The following ARMC5 variants were observed in gnomAD, a reference collection of about 807,000 sequenced individuals.
ARMC5 encodes armadillo repeat-containing protein 5.
Under a neutral mutation model 60.5 loss-of-function variants are expected in ARMC5, and 28 were observed. The ratio of observed to expected loss-of-function variants is 0.46; its 90% CI spans 0.34 to 0.63. The LOEUF (loss-of-function observed/expected upper bound fraction) is 0.63. Ranked by LOEUF, ARMC5 falls within the 30% of genes least tolerant of loss-of-function variation. ARMC5 has a pLI of 0.01. For synonymous variants in ARMC5, 680 were observed against 607.3 expected (o/e 1.12, Z -1.76); for missense variants, 1,189 against 1,304.9 (o/e 0.91, Z 1.37).
intron 1 of ARMC5, 30 bp downstream of exon 1, chr16:31,460,029 G>A: frequency 6.3e-7 from 1 of 1,592,436 alleles, no homozygotes; most frequent in Non-Finnish European, 8.5e-7. Context: ...TTCCTAGAAA[G>A]ATTAGGTTTG....
intron 1 of ARMC5, among the ~76,000 whole-genome samples, chr16:31,460,610 A>G (rs1201491927): frequency 6.6e-6 from 1 of 152,254 alleles, no homozygotes; most frequent in African/African-American, 2.4e-5. Context: ...ACGCGCCTGT[A>G]GTTCCAGCTA....
chr16:31,461,811 C>A (rs140249837), intron 1 of ARMC5, 111 bp from the exon 2 acceptor site: 8 of 946,794 alleles, frequency 8.4e-6, no homozygotes, highest in Non-Finnish European at 1.3e-5. Context: ...CCCTGCCGAC[C>A]ATTAGCCTCT....
intron 1 of ARMC5, chr16:31,460,204 T>G: frequency 1.8e-6 from 1 of 547,924 alleles, no homozygotes; most frequent in African/African-American, 2.0e-5. Flanking sequence ...ACCAGATAAT[T>G]GTAGCCATTA....
upstream of ARMC5, chr16:31,458,822 G>T: frequency 6.5e-7 from 1 of 1,532,720 alleles, no homozygotes; most frequent in Non-Finnish European, 8.7e-7. Flanking sequence ...GCGGCCGACT[G>T]CGCTGCGAGT....
Position 31,460,159 on chromosome 16 carries a change from C to T in ARMC5, c.475+160C>T, listed in dbSNP as rs1003235989. ...CAATCTGTTGTGCCCCGTGACGTCA[C>T]TGCACTCTCTATAGATGAGAGAGAG... On this transcript the variant is annotated intron_variant, in intron 1 of 5. Coordinates refer to ENST00000268314, the MANE Select transcript of ARMC5 (RefSeq NM_001105247.2). The T allele has an allele frequency of 4.1e-6, 3 of 731,532 alleles. No homozygotes were observed. The African/African-American group carries it at 5.5e-5, about 13-fold the overall frequency. The allele number at this position is 731,532 out of a possible 1,614,324, so 45.3% of individuals were successfully genotyped here.
upstream of ARMC5, chr16:31,459,298 C>T (rs1399665387): frequency 1.0e-5 from 16 of 1,534,660 alleles, no homozygotes; most frequent in Non-Finnish European, 1.4e-5. Context: ...ACCACATCTC[C>T]CTCATGCACC....
Position 31,459,992 on chromosome 16 carries a change from C to T in ARMC5, c.468C>T (p.Leu156=), listed in dbSNP as rs1165420387. Reference sequence around the variant, plus strand: ...AAGTGCGCAGACTCGGAGGCATACTCCCTTTGGGTAAGTGCTCCGCCCCCG... The same window carrying T: ...AAGTGCGCAGACTCGGAGGCATACTTCCTTTGGGTAAGTGCTCCGCCCCCG... ...RTEVRRLGGI[L]PLVTILQCMK... Residue 156 remains leucine (L), a synonymous_variant, in exon 1 of 6, where the codon CTC becomes CTT. Coordinates refer to ENST00000268314, the MANE Select transcript of ARMC5 (RefSeq NM_001105247.2). The T allele has an allele frequency of 1.3e-6, 2 of 1,597,054 alleles. No homozygotes were observed. The highest frequency in any genetic ancestry group is 1.7e-5 in the Admixed American group (1 of 59,620).
In ARMC5 at chr16:31,462,836, A is replaced by C. The variant is rs2082316915; in HGVS notation, c.1289A>C (p.Glu430Ala). 1.2e-6 allele frequency: 2 copies of C among 1,613,928 alleles called. No individual in the cohort carries two copies. The highest frequency in any genetic ancestry group is 2.7e-5 in the African/African-American group (2 of 74,998). ...GGTGAGGCTGGTGAGGAGGAAGAAG[A>C]GGGAAGAGAAGCTGCTTCCTGGGAC... ...LCGEAGEEEEEGREAASWDFP... is the reference protein window; with the variant it reads ...LCGEAGEEEEAGREAASWDFP... Residue 430 changes from glutamate (E) to alanine (A), a missense_variant, in exon 3 of 6, where the codon GAG becomes GCG. By Grantham distance (107) the Glu-to-Ala change is moderately radical. This residue lies in a region of ARMC5 where 862 missense variants were observed against 1,071.2 expected (regional missense o/e 0.80). Coordinates refer to ENST00000268314, the MANE Select transcript of ARMC5 (RefSeq NM_001105247.2). The surrounding 1 kb of genome is among the most constrained non-coding windows in gnomAD (Gnocchi z 7.2).
Position 31,462,403 on chromosome 16 carries a change from C to T in ARMC5, c.856C>T (p.Leu286Phe). ...AAGTCTGGGTGGGGGATTGGGCCCA[C>T]TCGTCAGCCTGGCTTCCCACCCCAA... is the stretch of plus-strand genomic sequence containing the variant. ...QLSLGGGLGP[L>F]VSLASHPKRA... The change falls in exon 3 of 6, where the codon CTC becomes TTC. Residue 286 changes from leucine to phenylalanine, a missense_variant. Physicochemically the swap from Leu to Phe is conservative, Grantham distance 22. Around this residue, in one of 2 missense-constraint regions of ARMC5, gnomAD observed 862 missense variants for 1,071.2 expected, o/e 0.80. Transcript: ENST00000268314. The surrounding 1 kb of genome is among the most constrained non-coding windows in gnomAD (Gnocchi z 7.2). 6.2e-7 allele frequency: 1 copy of T among 1,609,990 alleles called. No homozygotes were observed. Among genetic ancestry groups the T allele is most frequent in the Non-Finnish European group, 8.5e-7 (1 of 1,177,526 alleles).
rs1289496244 is a variant in ARMC5, at chr16:31,459,654, C to T, written c.130C>T (p.Leu44Phe). ...ATNETPLSRA[L>F]LALRTRHIKA... ...CAACGAGACACCCCTGAGCCGCGCG[C>T]TCCTAGCCCTCCGCACGCGCCACAT... is the stretch of plus-strand genomic sequence containing the variant. The change falls in exon 1 of 6, where the codon CTC becomes TTC. Residue 44 changes from leucine to phenylalanine, a missense_variant. Coordinates refer to ENST00000268314, the MANE Select transcript of ARMC5 (RefSeq NM_001105247.2). 3 of 1,584,378 alleles carry T rather than the reference C, an allele frequency of 1.9e-6. No homozygotes were observed. The highest frequency in any genetic ancestry group is 2.6e-6 in the Non-Finnish European group (3 of 1,173,346).
chr16:31,465,800 C>G (rs753354366), intron 4 of ARMC5, 50 bp from the exon 5 acceptor site: 1 of 1,601,884 alleles, frequency 6.2e-7, no homozygotes, highest in Non-Finnish European at 8.5e-7. Context: ...CTCACTCACC[C>G]CACCTGTCTT....
rs750035803 is a variant in ARMC5, at chr16:31,459,608, T to C, written c.84T>C (p.Gly28=). The C allele has an allele frequency of 1.3e-6, 2 of 1,598,368 alleles. No homozygotes were observed. The highest frequency in any genetic ancestry group is 3.4e-5 in the Admixed American group (2 of 59,654). The change falls in exon 1 of 6, where the codon GGT becomes GGC. Residue 28 remains glycine, a synonymous_variant. Transcript: ENST00000268314. ...QLAAAAGEAL[G]GEKDPATNET... ...CGGCGGCGGCCGGGGAGGCTCTGGGTGGGGAAAAGGACCCAGCGACCAACG... is the reference window on the plus strand; with the variant it reads ...CGGCGGCGGCCGGGGAGGCTCTGGGCGGGGAAAAGGACCCAGCGACCAACG...
rs369484456 is a variant in ARMC5, at chr16:31,462,900, A to G, written c.1353A>G (p.Gly451=). The part of the protein sequence containing the change: ...EERTPERAQG[G]SFRSLRSWLI... ...GGACCCCTGAGCGGGCACAGGGTGGAAGCTTCCGGAGCCTCAGGTGAGTCC... is the reference window on the plus strand; with the variant it reads ...GGACCCCTGAGCGGGCACAGGGTGGGAGCTTCCGGAGCCTCAGGTGAGTCC... The change falls in exon 3 of 6, where the codon GGA becomes GGG. Residue 451 remains glycine (G), a synonymous_variant. Transcript: ENST00000268314. The surrounding 1 kb of genome is among the most constrained non-coding windows in gnomAD (Gnocchi z 7.2). 19 of 1,598,956 alleles carry G rather than the reference A, an allele frequency of 1.2e-5. No homozygotes were observed. In the African/African-American group the frequency reaches 2.5e-4, roughly 21 times the overall value.
In ARMC5 at chr16:31,465,941, G is replaced by A. The variant is rs2082353291; in HGVS notation, c.1956G>A (p.Glu652=). The change falls in exon 5 of 6, where the codon GAG becomes GAA. Residue 652 remains glutamate, a synonymous_variant. Transcript: ENST00000268314. ...LTHLLLSGSP[E]DRVACALTLP... ...ACCTGCTGCTCTCTGGGAGCCCTGA[G>A]GACCGAGTGGCCTGCGCGCTGACCC... is the stretch of plus-strand genomic sequence containing the variant. The A allele has an allele frequency of 1.2e-6, 2 of 1,606,970 alleles. No homozygotes were observed. The highest frequency in any genetic ancestry group is 1.1e-5 in the South Asian group (1 of 91,086).
At chr16:31,465,746 C>G (rs1274620267) in intron 4 of ARMC5, 104 bp from the exon 5 acceptor site, 3 of 1,558,936 alleles carry the variant, frequency 1.9e-6, no homozygotes, top group Non-Finnish European at 8.6e-7. Context: ...GATTTCTCAC[C>G]CAGAGGTTTC....
At chr16:31,460,072 G>A (rs1254344618) in intron 1 of ARMC5, 73 bp downstream of exon 1, 1 of 1,483,106 alleles carries the variant, frequency 6.7e-7, no homozygotes. Context: ...CGGGCAGTCT[G>A]GAGTTCTTTG....
At position 31,464,450 on chromosome 16, in the gene ARMC5, G is replaced by C; in HGVS notation, c.1427G>C (p.Trp476Ser). The C allele has an allele frequency of 6.3e-7, 1 of 1,585,112 alleles. No individual in the cohort carries two copies. Among genetic ancestry groups the C allele is most frequent in the Non-Finnish European group, 8.6e-7 (1 of 1,168,682 alleles). The change falls in exon 4 of 6, where the codon TGG becomes TCG. Residue 476 changes from tryptophan (W) to serine (S), a missense_variant. By Grantham distance (177) the Trp-to-Ser change is radical (BLOSUM62 -3). This residue lies in a region of ARMC5 where 862 missense variants were observed against 1,071.2 expected (regional missense o/e 0.80). Transcript: ENST00000268314. This position sits in a 1 kb window ranked among gnomAD's most constrained non-coding sequence, Gnocchi z 7.6. Reference protein sequence around the residue: ...ATGPDDISPDWSPEQCPPEPM... With the variant: ...ATGPDDISPDSSPEQCPPEPM... ...GGCCCTGATGACATCTCCCCCGACT[G>C]GTCTCCTGAGCAGTGTCCGCCGGAG...
At position 31,459,558 on chromosome 16, in the gene ARMC5, C is replaced by T; in HGVS notation, c.34C>T (p.Leu12Phe). 3 of 1,606,346 alleles carry T rather than the reference C, an allele frequency of 1.9e-6. No homozygotes were observed. The highest frequency in any genetic ancestry group is 2.5e-6 in the Non-Finnish European group (3 of 1,179,372). ...AAAKPTLTDS[L>F]SFCLAQLAAA... ...TGCGAAGCCAACCCTCACGGACTCG[C>T]TCTCGTTCTGCCTCGCGCAGCTCGC... The change falls in exon 1 of 6, where the codon CTC becomes TTC. Residue 12 changes from leucine (L) to phenylalanine (F), a missense_variant. This residue lies in a region of ARMC5 where 327 missense variants were observed against 233.7 expected (regional missense o/e 1.40). Transcript: ENST00000268314.
rs1295503133 is a variant in ARMC5 at position 31,462,685 on chromosome 16, G to A, written c.1138G>A (p.Asp380Asn). 2 of 1,613,804 alleles carry A rather than the reference G, an allele frequency of 1.2e-6. No homozygotes were observed. The highest frequency in any genetic ancestry group is 1.3e-5 in the African/African-American group (1 of 75,076). Residue 380 changes from aspartate to asparagine, a missense_variant, in exon 3 of 6, where the codon GAC becomes AAC. This residue lies in a region of ARMC5 where 862 missense variants were observed against 1,071.2 expected (regional missense o/e 0.80). Transcript: ENST00000268314. The surrounding 1 kb of genome is among the most constrained non-coding windows in gnomAD (Gnocchi z 7.2). ...GLDLLMGLLR[D>N]PRASAWHPRI... ...GGATCTACTGATGGGCCTGCTGCGG[G>A]ACCCTCGTGCAAGCGCATGGCACCC...
Sources: allele counts gnomAD v4.1 joint callset (sites outside exome capture counted in the v4.1 genomes callset), GRCh38; gene constraint gnomAD v4.1.1; regional missense constraint gnomAD v4.1.1; non-coding constraint Gnocchi (gnomAD v3.1); transcripts MANE v1.5; gene names NCBI Gene and HGNC (gene_info 2026-07-23, HGNC 2026-07-21).